Variants in CHST8 observed in about 807,000 individuals in gnomAD.
CHST8 encodes carbohydrate sulfotransferase 8.
A neutral mutation model predicts 15.0 loss-of-function variants in CHST8; 10 were observed. The observed-to-expected ratio is 0.67, with a 90% confidence interval of 0.41 to 1.13. CHST8 has a LOEUF of 1.13. Among genes scored for constraint, CHST8 ranks in the 50% most tolerant of loss-of-function variants. The probability of loss-of-function intolerance (pLI) is 0.00; values close to 1 mark genes in which losing one functional copy is unlikely to be tolerated. For synonymous variants in CHST8, 259 were observed against 256.6 expected, an observed-to-expected ratio of 1.01 and a Z score of -0.09; for missense variants, 634 against 608.2, an observed-to-expected ratio of 1.04 and a Z score of -0.45.
chr19:33,665,388 A>G (rs1457240469), intron 1 of CHST8, among the ~76,000 whole-genome samples: 1 of 152,176 alleles, frequency 6.6e-6, no homozygotes, highest in Non-Finnish European at 1.5e-5. Flanking sequence ...AAGTCACTCA[A>G]TTGCCATCAT....
chr19:33,665,020 T>G (rs749646654), intron 1 of CHST8, among the ~76,000 whole-genome samples: 1 of 152,232 alleles, frequency 6.6e-6, no homozygotes, highest in Non-Finnish European at 1.5e-5. Context: ...TTAGGTTGAT[T>G]TCACATCTTG....
intron 1 of CHST8, among the ~76,000 whole-genome samples, chr19:33,643,686 A>G (rs980346511): frequency 2.0e-5 from 3 of 152,208 alleles, no homozygotes; most frequent in South Asian, 2.1e-4. Context: ...TTCTAGTCCC[A>G]GCACCCACGA....
chr19:33,671,137 A>G (rs1161241013), intron 2 of CHST8, among the ~76,000 whole-genome samples: 1 of 152,128 alleles, frequency 6.6e-6, no homozygotes, highest in Non-Finnish European at 1.5e-5. Flanking sequence ...CAGCTTACTG[A>G]GAAGAGTGAA....
At chr19:33,697,727 T>C in intron 3 of CHST8, among the ~76,000 whole-genome samples, 1 of 152,176 alleles carries the variant, frequency 6.6e-6, no homozygotes, top group East Asian at 1.9e-4. Flanking sequence ...TACCCAGTAT[T>C]GTTGTGTTCC....
chr19:33,686,440 C>G (rs761865700), intron 2 of CHST8, among the ~76,000 whole-genome samples: 5 of 152,094 alleles, frequency 3.3e-5, no homozygotes, highest in African/African-American at 1.2e-4. Flanking sequence ...GGTACTGGCT[C>G]GAATGGAGAC....
intron 2 of CHST8, among the ~76,000 whole-genome samples, chr19:33,674,696 C>T (rs534425674): frequency 1.2e-4 from 18 of 152,264 alleles, no homozygotes; most frequent in Admixed American, 5.9e-4. Context: ...CCTGCTGGGC[C>T]GCCACTCTGG....
chr19:33,735,157 T>C (rs779417858), intron 3 of CHST8, among the ~76,000 whole-genome samples: 5 of 151,936 alleles, frequency 3.3e-5, no homozygotes, highest in Admixed American at 6.6e-5. Flanking sequence ...TGGGGAGAGA[T>C]GGAAGAGAGG....
intron 3 of CHST8, among the ~76,000 whole-genome samples, chr19:33,714,534 T>A (rs1288559869): frequency 6.6e-6 from 1 of 151,880 alleles, no homozygotes; most frequent in African/African-American, 2.4e-5. Flanking sequence ...AAAAAACCTA[T>A]TGGGTACAAA....
intron 3 of CHST8, among the ~76,000 whole-genome samples, chr19:33,715,841 T>A (rs566498921): frequency 6.6e-6 from 1 of 152,186 alleles, no homozygotes; most frequent in Non-Finnish European, 1.5e-5. Flanking sequence ...CATGCTAGCT[T>A]CTCCAGGCAG....
intron 1 of CHST8, among the ~76,000 whole-genome samples, chr19:33,636,672 G>C (rs1036504509): frequency 3.9e-4 from 60 of 152,146 alleles, no homozygotes; most frequent in African/African-American, 1.4e-3. Context: ...AGGCCAAGGC[G>C]GGCGGATCAC....
chr19:33,756,644 T>C (rs974962075), intron 3 of CHST8, among the ~76,000 whole-genome samples: 1 of 152,202 alleles, frequency 6.6e-6, no homozygotes, highest in Non-Finnish European at 1.5e-5. Flanking sequence ...GCTTTGTTGT[T>C]CTGCAAAATC....
chr19:33,686,620 G>A lies in CHST8; in HGVS notation c.-86-2556G>A, dbSNP rs369972775. The stretch of plus-strand genomic sequence containing the variant: ...GCTGTTTTACCAGGCAGTTCTGGGC[G>A]CTAGCCATGAAGCTGTTCTCCTTCC... On this transcript the variant is annotated intron_variant, in intron 2 of 4. Transcript: ENST00000650847. Among the ~76,000 whole-genome samples the A allele has an allele frequency of 2.1e-4, 32 of 152,244 alleles. 1 individual carries two copies. The South Asian group carries it at 5.4e-3, about 26-fold the overall frequency.
intron 3 of CHST8, among the ~76,000 whole-genome samples, chr19:33,716,373 T>G (rs1167415142): frequency 6.6e-6 from 1 of 152,212 alleles, no homozygotes; most frequent in Non-Finnish European, 1.5e-5. Flanking sequence ...TGATTGATTT[T>G]GTTTTGTTTT....
intron 1 of CHST8, among the ~76,000 whole-genome samples, chr19:33,657,897 T>C (rs537983637): frequency 2.6e-4 from 39 of 152,316 alleles, no homozygotes; most frequent in African/African-American, 9.1e-4. Flanking sequence ...TATAAATTTT[T>C]TAGCAAGTCT....
At chr19:33,709,725 T>C (rs1353527062) in intron 3 of CHST8, among the ~76,000 whole-genome samples, 3 of 152,202 alleles carry the variant, frequency 2.0e-5, no homozygotes, top group African/African-American at 7.2e-5. Context: ...GAAGTATTTT[T>C]ACCTCCTCCT....
chr19:33,761,137 G>A (rs1437038561), intron 3 of CHST8, among the ~76,000 whole-genome samples: 3 of 152,226 alleles, frequency 2.0e-5, no homozygotes, highest in East Asian at 3.9e-4. Context: ...ATAGGGCCAC[G>A]CAGTTCGTTC....
At chr19:33,681,677 G>C (rs1972891830) in intron 2 of CHST8, among the ~76,000 whole-genome samples, 1 of 152,146 alleles carries the variant, frequency 6.6e-6, no homozygotes, top group Non-Finnish European at 1.5e-5. Context: ...AGGGAACTTG[G>C]GAACTCATCT....
Position 33,718,877 on chromosome 19 carries a change from G to A in CHST8, c.130+29486G>A, listed in dbSNP as rs964144166. Among the ~76,000 whole-genome samples the A allele has an allele frequency of 5.9e-5, 9 of 152,314 alleles. 1 individual carries two copies. The South Asian group carries it at 1.0e-3, about 18-fold the overall frequency. ...AGGAGGGAGAGAGAGAGCTGTGGGC[G>A]GGGCCTGTGCATCTGTCCTTGGAGT... On this transcript the variant is annotated intron_variant, in intron 3 of 4. Transcript: ENST00000650847.
chr19:33,623,056 AG>A (rs1206733981), intron 1 of CHST8, among the ~76,000 whole-genome samples: 1 of 152,146 alleles, frequency 6.6e-6, no homozygotes, highest in Non-Finnish European at 1.5e-5. Flanking sequence ...CAGCCGGGCC[AG>A]GAGGGCGATC....
Sources: gnomAD v4.1 joint callset for allele counts (sites outside exome capture counted in the v4.1 genomes callset) on GRCh38, gnomAD v4.1.1 for gene constraint, MANE v1.5 for transcripts, NCBI Gene and HGNC (gene_info 2026-07-23, HGNC 2026-07-21) for gene names.